SLC9A9: variants seen among roughly 807,000 people sequenced by gnomAD.
SLC9A9 encodes solute carrier family 9 member A9, also known as sodium/hydrogen exchanger 9.
A neutral mutation model predicts 77.8 loss-of-function variants in SLC9A9; 62 were observed. That is an observed-to-expected ratio of 0.80 (90% CI 0.65 to 0.98). The LOEUF (loss-of-function observed/expected upper bound fraction) is 0.98, where lower values mean the gene tolerates loss of function less well. SLC9A9 is among the 50% of genes least tolerant of loss of function. SLC9A9 has a pLI of 0.00. For missense variants in SLC9A9, 775 were observed against 774.9 expected (o/e 1.00, Z 0.00); for synonymous variants, 320 against 283.5 (o/e 1.13, Z -1.29).
chr3:143,768,699 A>G (rs2007413675), intron 4 of SLC9A9, among the ~76,000 whole-genome samples: 1 of 152,220 alleles, frequency 6.6e-6, no homozygotes, highest in African/African-American at 2.4e-5. Flanking sequence ...GACATGGCGT[A>G]TTAGTGTTCT....
chr3:143,492,776 C>T (rs1304175074), intron 11 of SLC9A9, among the ~76,000 whole-genome samples: 1 of 152,066 alleles, frequency 6.6e-6, no homozygotes, highest in Non-Finnish European at 1.5e-5. Flanking sequence ...TTCTATATGC[C>T]CCTATGTACC....
intron 5 of SLC9A9, among the ~76,000 whole-genome samples, chr3:143,674,977 G>A (rs903108318): frequency 1.3e-5 from 2 of 152,136 alleles, no homozygotes; most frequent in South Asian, 4.1e-4. Context: ...CGAGACACTT[G>A]TTAGAAATGG....
chr3:143,841,639 G>A (rs558624544), intron 1 of SLC9A9, among the ~76,000 whole-genome samples: 5 of 152,220 alleles, frequency 3.3e-5, no homozygotes, highest in African/African-American at 1.2e-4. Context: ...ACACTGAGGG[G>A]GGAGTCCTTC....
intron 4 of SLC9A9, among the ~76,000 whole-genome samples, chr3:143,697,538 C>G (rs1933676074): frequency 6.6e-6 from 1 of 152,004 alleles, no homozygotes; most frequent in Non-Finnish European, 1.5e-5. Flanking sequence ...AAAAGTAAGA[C>G]TCAGAGAGGT....
At chr3:143,436,321 C>G (rs1005801087) in intron 12 of SLC9A9, among the ~76,000 whole-genome samples, 5 of 152,190 alleles carry the variant, frequency 3.3e-5, no homozygotes, top group Non-Finnish European at 7.3e-5. Flanking sequence ...GGCTAATGAG[C>G]CAGACGTTGA....
intron 2 of SLC9A9, among the ~76,000 whole-genome samples, chr3:143,805,714 A>G (rs994453140): frequency 2.0e-5 from 3 of 151,956 alleles, no homozygotes; most frequent in African/African-American, 7.3e-5. Flanking sequence ...TCCCCCACTG[A>G]GCACCTTGTG....
intron 4 of SLC9A9, among the ~76,000 whole-genome samples, chr3:143,746,826 T>G (rs1232055258): frequency 6.6e-6 from 1 of 152,228 alleles, no homozygotes; most frequent in Non-Finnish European, 1.5e-5. Context: ...TCAGCTTTCC[T>G]CCTTAAACAT....
At chr3:143,411,774 C>T (rs1180128024) in intron 12 of SLC9A9, among the ~76,000 whole-genome samples, 1 of 152,088 alleles carries the variant, frequency 6.6e-6, no homozygotes, top group Non-Finnish European at 1.5e-5. Flanking sequence ...AAGCTGGTTG[C>T]AATTTTTAAT....
rs146143162 is a variant in SLC9A9 at position 143,282,254 on chromosome 3, A to G, written c.1605-13274T>C. 7.4e-3 allele frequency among the ~76,000 whole-genome samples: 1,124 copies of G among 152,244 alleles called. 15 individuals carry two copies. The highest frequency in any genetic ancestry group is 0.025 in the African/African-American group (1,043 of 41,526). ...TCCACATCAGCAATAACCACAACAC[A>G]TACCCCCCCAAACCCACAACCCACT... is the stretch of plus-strand genomic sequence containing the variant. On this transcript the variant is annotated intron_variant, in intron 14 of 15. Transcript: ENST00000316549.
chr3:143,537,762 C>A (rs1435384337), intron 9 of SLC9A9, among the ~76,000 whole-genome samples: 2 of 152,158 alleles, frequency 1.3e-5, no homozygotes, highest in Non-Finnish European at 2.9e-5. Context: ...CGAAACTTTA[C>A]CATTTAGTGC....
Position 143,449,819 on chromosome 3 carries a change from T to A in SLC9A9, c.1469+17218A>T, listed in dbSNP as rs1468100606. 1.7e-3 allele frequency among the ~76,000 whole-genome samples: 65 copies of A among 39,260 alleles called. 6 individuals are homozygous for A. Among genetic ancestry groups the A allele is most frequent in the African/African-American group, 0.013 (61 of 4,764 alleles). The allele number at this position is 39,260 out of a possible 152,430, so 25.8% of individuals were successfully genotyped here. On this transcript the variant is annotated intron_variant, in intron 12 of 15. Transcript: ENST00000316549. ...TATATTTTATATATATAATTATATA[T>A]TTACATATATAATTATATGTATTAT...
Position 143,817,541 on chromosome 3 carries a change from T to G in SLC9A9, c.378+14478A>C, listed in dbSNP as rs143166176. Among the ~76,000 whole-genome samples, 1,100 of 152,358 alleles carry G rather than the reference T, an allele frequency of 7.2e-3. 8 individuals are homozygous for G. Among genetic ancestry groups the G allele is most frequent in the Middle Eastern group, 0.014 (4 of 294 alleles). On this transcript the variant is annotated intron_variant, in intron 2 of 15. Coordinates refer to ENST00000316549, the MANE Select transcript of SLC9A9 (RefSeq NM_173653.4). ...TTTAAAAAATATTTTCCTATCCTGA[T>G]GTCATAAATATATTTTCTCCTAAAG...
chr3:143,382,010 A>G (rs1312919671), intron 13 of SLC9A9, 50 bp downstream of exon 13: 1 of 1,605,228 alleles, frequency 6.2e-7, no homozygotes, highest in Non-Finnish European at 8.5e-7. Context: ...CAGCCTATGG[A>G]ACAGAACAAT....
chr3:143,351,740 T>C (rs1345774781), intron 14 of SLC9A9, among the ~76,000 whole-genome samples: 1 of 152,194 alleles, frequency 6.6e-6, no homozygotes, highest in African/African-American at 2.4e-5. Context: ...AAAAATGTAA[T>C]AAAATTCTTT....
chr3:143,687,734 T>C (rs1448958501), intron 5 of SLC9A9, among the ~76,000 whole-genome samples: 1 of 130,864 alleles, frequency 7.6e-6, no homozygotes, highest in Non-Finnish European at 1.7e-5. Flanking sequence ...GAGTCAGTTT[T>C]GTCTGTTAAA....
chr3:143,735,797 A>T (rs1441391579), intron 4 of SLC9A9, among the ~76,000 whole-genome samples: 3 of 152,230 alleles, frequency 2.0e-5, no homozygotes, highest in Non-Finnish European at 2.9e-5. Flanking sequence ...TATGGGCTTT[A>T]GAGTAATAGA....
At chr3:143,297,227 A>C (rs1184167026) in intron 14 of SLC9A9, among the ~76,000 whole-genome samples, 1 of 151,836 alleles carries the variant, frequency 6.6e-6, no homozygotes, top group Non-Finnish European at 1.5e-5. Context: ...TCATTGTTTC[A>C]CTTGTGGATA....
chr3:143,814,689 A>G (rs1424065572), intron 2 of SLC9A9, among the ~76,000 whole-genome samples: 1 of 152,154 alleles, frequency 6.6e-6, no homozygotes, highest in African/African-American at 2.4e-5. Flanking sequence ...CAATAAACAG[A>G]AAGAGATGTA....
intron 11 of SLC9A9, among the ~76,000 whole-genome samples, chr3:143,488,481 T>C (rs1214693899): frequency 1.3e-5 from 2 of 151,916 alleles, no homozygotes; most frequent in African/African-American, 4.8e-5. Context: ...CTTATGAACA[T>C]AAATGCAAAA....
Sources: gnomAD v4.1 joint callset for allele counts (sites outside exome capture counted in the v4.1 genomes callset) on GRCh38, gnomAD v4.1.1 for gene constraint, MANE v1.5 for transcripts, NCBI Gene and HGNC (gene_info 2026-07-23, HGNC 2026-07-21) for gene names.